PLEKHA1: variants seen among roughly 807,000 people sequenced by gnomAD.
PLEKHA1 encodes the protein pleckstrin homology domain-containing family A member 1.
PLEKHA1 carries 34 observed loss-of-function variants against 52.0 expected under a neutral mutation model. The observed-to-expected ratio is 0.65, with a 90% confidence interval of 0.50 to 0.87. The LOEUF is 0.87. Ranked by LOEUF, PLEKHA1 falls within the 40% of genes least tolerant of loss-of-function variation. The probability of loss-of-function intolerance (pLI) is 0.00; values close to 1 mark genes in which losing one functional copy is unlikely to be tolerated. For missense variants in PLEKHA1, 497 were observed against 504.2 expected (o/e 0.99, Z 0.14); for synonymous variants, 163 against 170.7 (o/e 0.95, Z 0.35).
At chr10:122,402,989 G>A (rs1033068099) in intron 4 of PLEKHA1, among the ~76,000 whole-genome samples, 1 of 152,214 alleles carries the variant, frequency 6.6e-6, no homozygotes, top group African/African-American at 2.4e-5. Flanking sequence ...AGAAGAGCTT[G>A]CCATAGTTGA....
intron 2 of PLEKHA1, among the ~76,000 whole-genome samples, chr10:122,396,675 C>T (rs940658456): frequency 5.9e-5 from 9 of 151,932 alleles, no homozygotes; most frequent in African/African-American, 9.7e-5. Flanking sequence ...TTTTTAAGTA[C>T]GTTATTATAA....
At chr10:122,392,994 G>A (rs146509918) in intron 1 of PLEKHA1, 187 bp from the exon 2 acceptor site, 103 of 441,196 alleles carry the variant, frequency 2.3e-4, no homozygotes, top group African/African-American at 2.0e-3. Context: ...GTTACATTTA[G>A]TAACCACTCT....
At chr10:122,408,413 T>G (rs1418047247) in intron 5 of PLEKHA1, among the ~76,000 whole-genome samples, 1 of 152,186 alleles carries the variant, frequency 6.6e-6, no homozygotes, top group African/African-American at 2.4e-5. Flanking sequence ...CTAAAAAGAC[T>G]TCTAAGTAGC....
chr10:122,431,873 AATCTT>A lies in PLEKHA1; in HGVS notation c.*1937_*1941del. 1 of 152,302 alleles carries A rather than the reference AATCTT, an allele frequency of 6.6e-6. No homozygotes were observed. The highest frequency in any genetic ancestry group is 2.1e-4 in the South Asian group (1 of 4,816). 9.4% of individuals were successfully genotyped at this position (152,302 alleles called of 1,614,324 possible). A position where few individuals can be genotyped will look rare whatever the true frequency, so the allele number is the denominator to read the frequency against. On this transcript the variant is annotated 3_prime_UTR_variant, in exon 12 of 12. Transcript: ENST00000368990. The stretch of plus-strand genomic sequence containing the variant: ...TCCTTTTTCATGAACACACCCGAGA[AATCTT>A]AAATAGACACTTTGCAATATTTAAG...
chr10:122,400,683 ACTTT>A (rs2096915545), intron 4 of PLEKHA1, among the ~76,000 whole-genome samples: 1 of 152,182 alleles, frequency 6.6e-6, no homozygotes, highest in South Asian at 2.1e-4. Flanking sequence ...GGAATTTTAA[ACTTT>A]CTACGTCATG....
intron 1 of PLEKHA1, among the ~76,000 whole-genome samples, chr10:122,385,642 A>T (rs1362943873): frequency 1.3e-5 from 2 of 152,006 alleles, no homozygotes; most frequent in Non-Finnish European, 2.9e-5. Flanking sequence ...TGTACTTAAT[A>T]TTACGATTTT....
chr10:122,424,355 C>A, intron 9 of PLEKHA1, 92 bp downstream of exon 9: 1 of 1,367,558 alleles, frequency 7.3e-7, no homozygotes, highest in Non-Finnish European at 9.8e-7. Context: ...TTACATTTTT[C>A]CATATTAATT....
At chr10:122,422,809 T>C (rs2097278285) in intron 8 of PLEKHA1, 1 of 152,214 alleles carries the variant, frequency 6.6e-6, no homozygotes, top group African/African-American at 2.4e-5. Context: ...AATTGCACTG[T>C]GGTTATGCAA....
At chr10:122,409,315 C>A (rs539461287) in intron 5 of PLEKHA1, among the ~76,000 whole-genome samples, 2 of 152,274 alleles carry the variant, frequency 1.3e-5, no homozygotes, top group Admixed American at 6.5e-5. Context: ...CTGTATTAAA[C>A]ATACGCACAA....
At position 122,393,177 on chromosome 10, in the gene PLEKHA1, A is replaced by G. The variant is rs1486645967; in HGVS notation, c.-20-4A>G. On this transcript the variant is annotated splice_polypyrimidine_tract_variant and splice_region_variant and intron_variant, in intron 1 of 11. Coordinates refer to ENST00000368990, the MANE Select transcript of PLEKHA1 (RefSeq NM_001001974.4). The surrounding 1 kb of genome is among the most constrained non-coding windows in gnomAD (Gnocchi z 4.5). The stretch of plus-strand genomic sequence containing the variant: ...AGCTTACTGTTAATATTTTTATTTT[A>G]CAGTGTAATGTTCAAGCTCAGAAAT... 1.3e-6 allele frequency: 2 copies of G among 1,581,596 alleles called. No individual in the cohort carries two copies. The highest frequency in any genetic ancestry group is 1.7e-6 in the Non-Finnish European group (2 of 1,165,282).
At chr10:122,411,965 A>T (rs899640408) in intron 5 of PLEKHA1, 3 of 152,218 alleles carry the variant, frequency 2.0e-5, no homozygotes, top group African/African-American at 4.8e-5. Context: ...CAACATTATA[A>T]TTGATGCTGA....
chr10:122,415,390 T>C (rs2097159547), intron 6 of PLEKHA1, among the ~76,000 whole-genome samples: 1 of 152,176 alleles, frequency 6.6e-6, no homozygotes, highest in African/African-American at 2.4e-5. Context: ...GATCTACACA[T>C]GTGATAAAAC....
intron 4 of PLEKHA1, among the ~76,000 whole-genome samples, chr10:122,405,069 C>G (rs73367711): frequency 0.016 from 2,407 of 152,130 alleles, 57 homozygotes; most frequent in African/African-American, 0.055. Context: ...TAATAAATAG[C>G]TTTAATTCAA....
chr10:122,385,760 CTT>C (rs941121394), intron 1 of PLEKHA1, among the ~76,000 whole-genome samples: 1 of 152,194 alleles, frequency 6.6e-6, no homozygotes, highest in African/African-American at 2.4e-5. Context: ...GGTCTGGCTT[CTT>C]TCACATACCA....
intron 1 of PLEKHA1, among the ~76,000 whole-genome samples, chr10:122,378,382 T>G (rs1203671995): frequency 1.2e-5 from 1 of 86,454 alleles, no homozygotes; most frequent in Admixed American, 1.3e-4. Flanking sequence ...CCCACCCCCC[T>G]GTCCCCCACC....
Position 122,400,399 on chromosome 10 carries a change from A to G in PLEKHA1, c.244+11A>G, listed in dbSNP as rs200175555. Reference sequence around the variant, plus strand: ...CGGAGTTCTGTTTTGGTAAGTAGCCATGTTATATATATTTTAAATAGACTG... The same window carrying G: ...CGGAGTTCTGTTTTGGTAAGTAGCCGTGTTATATATATTTTAAATAGACTG... On this transcript the variant is annotated intron_variant, in intron 4 of 11. Transcript: ENST00000368990. 2.0e-4 allele frequency: 316 copies of G among 1,600,736 alleles called. No homozygotes were observed. The African/African-American group carries it at 3.8e-3, about 19-fold the overall frequency.
chr10:122,434,073 A>G (rs537492268), downstream of PLEKHA1: 1 of 152,258 alleles, frequency 6.6e-6, no homozygotes, highest in South Asian at 2.1e-4. Context: ...CTTGTCCAGG[A>G]GCCTGCTTCC....
intron 8 of PLEKHA1, chr10:122,418,865 C>T (rs1297647023): frequency 2.0e-5 from 3 of 152,140 alleles, no homozygotes; most frequent in African/African-American, 4.8e-5. Context: ...TGAATGAAGT[C>T]ACCAGAACAG....
intron 1 of PLEKHA1, among the ~76,000 whole-genome samples, chr10:122,377,236 A>G (rs1347499948): frequency 6.6e-6 from 1 of 152,216 alleles, no homozygotes; most frequent in African/African-American, 2.4e-5. Flanking sequence ...ATTTGTGACA[A>G]TAGTAACATT....
Sources: gnomAD v4.1 joint callset for allele counts (sites outside exome capture counted in the v4.1 genomes callset) on GRCh38, gnomAD v4.1.1 for gene constraint, Gnocchi (gnomAD v3.1) non-coding constraint, MANE v1.5 for transcripts, NCBI Gene and HGNC (gene_info 2026-07-23, HGNC 2026-07-21) for gene names.